Variants in OAS3 observed in about 807,000 individuals in gnomAD.
The protein encoded by OAS3 is 2'-5'-oligoadenylate synthase 3.
OAS3 carries 107 observed loss-of-function variants against 113.0 expected under a neutral mutation model. The ratio of observed to expected loss-of-function variants is 0.95; its 90% CI spans 0.81 to 1.11. OAS3 has a LOEUF of 1.11. Ranked by LOEUF, OAS3 falls within the 50% of genes most tolerant of loss-of-function variation. OAS3 has a pLI of 0.00. For missense variants in OAS3, 1,258 were observed against 1,389.1 expected (o/e 0.91, Z 1.50); for synonymous variants, 552 against 573.6 (o/e 0.96, Z 0.54).
At chr12:112,967,386 C>A (rs764825943) in intron 12 of OAS3, 32 bp from the exon 13 acceptor site, 23 of 1,587,334 alleles carry the variant, frequency 1.4e-5, no homozygotes, top group Non-Finnish European at 2.0e-5. Context: ...ACATGGGAGC[C>A]GGAGTGATGG....
chr12:112,965,909 G>C lies in OAS3; in HGVS notation c.2569G>C (p.Glu857Gln). The C allele has an allele frequency of 6.2e-7, 1 of 1,613,660 alleles. No individual in the cohort carries two copies. Among genetic ancestry groups the C allele is most frequent in the Non-Finnish European group, 8.5e-7 (1 of 1,179,756 alleles). Residue 857 changes from glutamate to glutamine, a missense_variant, in exon 12 of 16, where the codon GAG (glutamate) becomes CAG (glutamine). Transcript: ENST00000228928. The part of the protein sequence containing the change: ...LEACQQERQF[E>Q]VKFEVSKWEN... ...GGCATGTCAACAGGAGCGGCAGTTC[G>C]AGGTCAAGTTTGAAGTCTCCAAATG...
intron 1 of OAS3, 27 bp downstream of exon 1, chr12:112,938,734 G>A (rs762710984): frequency 3.8e-5 from 43 of 1,123,160 alleles, no homozygotes; most frequent in Non-Finnish European, 4.8e-5. Flanking sequence ...GGGTCTTTAT[G>A]TGTCCAAAGG....
intron 11 of OAS3, 40 bp from the exon 12 acceptor site, chr12:112,965,704 C>T: frequency 6.4e-7 from 1 of 1,572,974 alleles, no homozygotes; most frequent in Non-Finnish European, 8.6e-7. Flanking sequence ...CAGGCTAAGC[C>T]ATGCTTCAAG....
At position 112,970,074 on chromosome 12, in the gene OAS3, ACATGTGTGTGTGAGCACATGTGTG is replaced by A. The variant is rs1402925413; in HGVS notation, c.*112_*135del. On this transcript the variant is annotated 3_prime_UTR_variant, in exon 16 of 16. Transcript: ENST00000228928. The stretch of plus-strand genomic sequence containing the variant: ...CCCTACCAGATGAGAGAGATTGTGT[ACATGTGTGTGTGAGCACATGTGTG>A]CATGTGTGTGCACACGTGTGCATGT... The A allele has an allele frequency of 2.4e-5, 33 of 1,368,318 alleles. 1 individual carries two copies. In the South Asian group the frequency reaches 2.7e-4, roughly 11 times the overall value. The allele number at this position is 1,368,318 out of a possible 1,614,324, so 84.8% of individuals were successfully genotyped here.
At position 112,950,693 on chromosome 12, in the gene OAS3, G is replaced by T. The variant is rs760860200; in HGVS notation, c.1375G>T (p.Gly459Trp). 6.2e-6 allele frequency: 10 copies of T among 1,613,886 alleles called. No individual in the cohort carries two copies. Among genetic ancestry groups the T allele is most frequent in the Non-Finnish European group, 8.5e-6 (10 of 1,179,824 alleles). Residue 459 changes from glycine (G) to tryptophan (W), a missense_variant and splice_region_variant, in exon 7 of 16, where the codon GGG (glycine) becomes TGG (tryptophan). Transcript: ENST00000228928. ...CVHKASRVSKGGSFGRGTDLR... is the reference protein window; with the variant it reads ...CVHKASRVSKWGSFGRGTDLR... ...ATCTGAGCTGTTCTTCCCTCCACAG[G>T]GGGGCTCATTTGGCCGGGGCACAGA... is the stretch of plus-strand genomic sequence containing the variant.
rs1398781422 is a variant in OAS3 at position 112,971,063 on chromosome 12, G to C, written c.*1090G>C. ...TCTCCTGACCTCAAGTCCAACAACA[G>C]TGTCCACACTAGTCAAGGTTCAGCC... On this transcript the variant is annotated 3_prime_UTR_variant, in exon 16 of 16. Coordinates refer to ENST00000228928, the MANE Select transcript of OAS3 (RefSeq NM_006187.4). 2 of 152,362 alleles carry C rather than the reference G, an allele frequency of 1.3e-5. No homozygotes were observed. Among genetic ancestry groups the C allele is most frequent in the Non-Finnish European group, 2.9e-5 (2 of 68,172 alleles). 9.4% of individuals were successfully genotyped at this position (152,362 alleles called of 1,614,324 possible).
In OAS3 at chr12:112,968,124, C is replaced by T. The variant is rs765970042; in HGVS notation, c.3054C>T (p.Ala1018=). 1 of 1,613,944 alleles carries T rather than the reference C, an allele frequency of 6.2e-7. No individual in the cohort carries two copies. Among genetic ancestry groups the T allele is most frequent in the Non-Finnish European group, 8.5e-7 (1 of 1,179,862 alleles). The change falls in exon 14 of 16, where the codon GCC becomes GCT. Residue 1018 remains alanine, a synonymous_variant. Coordinates refer to ENST00000228928, the MANE Select transcript of OAS3 (RefSeq NM_006187.4). ...LCIYWTINYN[A]KDKTVGDFLK... ...TCTACTGGACCATCAACTACAACGC[C>T]AAGGACAAGACTGTTGGAGACTTCC...
intron 3 of OAS3, 194 bp downstream of exon 3, chr12:112,944,845 G>T: frequency 1.6e-6 from 1 of 618,300 alleles, no homozygotes. Context: ...TTTATATATT[G>T]TGGATACTGA....
chr12:112,944,040 G>A (rs1317637787), intron 2 of OAS3, among the ~76,000 whole-genome samples: 1 of 152,140 alleles, frequency 6.6e-6, no homozygotes, highest in Non-Finnish European at 1.5e-5. Flanking sequence ...AGGGCTTTTT[G>A]CCTTTTATTT....
At position 112,969,960 on chromosome 12, in the gene OAS3, AGGCTGC is replaced by A; in HGVS notation, c.3253-1_3257del. The stretch of plus-strand genomic sequence containing the variant: ...CCAACATCTCTTATAATACTTCCCC[AGGCTGC>A]TGTGTGAAGTTGAGAAAATCAGCGG... On this transcript the variant is annotated splice_acceptor_variant and coding_sequence_variant, in exon 16 of 16. Coordinates refer to ENST00000228928, the MANE Select transcript of OAS3 (RefSeq NM_006187.4). LOFTEE classifies it high-confidence loss of function. The A allele has an allele frequency of 2.5e-6, 4 of 1,608,246 alleles. No individual in the cohort carries two copies. Among genetic ancestry groups the A allele is most frequent in the Non-Finnish European group, 3.4e-6 (4 of 1,177,282 alleles).
In OAS3 at chr12:112,969,975, G is replaced by A; in HGVS notation, c.*2G>A. 2 of 1,608,140 alleles carry A rather than the reference G, an allele frequency of 1.2e-6. No homozygotes were observed. Among genetic ancestry groups the A allele is most frequent in the Non-Finnish European group, 1.7e-6 (2 of 1,177,228 alleles). ...ATACTTCCCCAGGCTGCTGTGTGAA[G>A]TTGAGAAAATCAGCGGTCCTACTGG... On this transcript the variant is annotated 3_prime_UTR_variant, in exon 16 of 16. Transcript: ENST00000228928.
At chr12:112,948,327 A>G (rs904694828) in intron 5 of OAS3, among the ~76,000 whole-genome samples, 1 of 151,872 alleles carries the variant, frequency 6.6e-6, no homozygotes, top group Non-Finnish European at 1.5e-5. Context: ...ATATGGTGAA[A>G]CCTTGTCTCT....
At chr12:112,968,215 G>A in intron 14 of OAS3, 41 bp downstream of exon 14, 2 of 1,578,832 alleles carry the variant, frequency 1.3e-6, no homozygotes, top group Non-Finnish European at 1.7e-6. Flanking sequence ...TCAAACCTGG[G>A]ATCACTCACT....
Position 112,947,966 on chromosome 12 carries a change from C to T in OAS3, c.896C>T (p.Ala299Val), listed in dbSNP as rs2043748528. Reference protein sequence around the residue: ...KRPRPVILDPADPTWDLGNGA... With the variant: ...KRPRPVILDPVDPTWDLGNGA... ...TGCAGGCCTGTGATCCTGGACCCAG[C>T]TGACCCCACATGGGACCTGGGGAAT... The change falls in exon 5 of 16, where the codon GCT becomes GTT. Residue 299 changes from alanine to valine, a missense_variant. Transcript: ENST00000228928. 3 of 1,600,250 alleles carry T rather than the reference C, an allele frequency of 1.9e-6. No individual in the cohort carries two copies. The highest frequency in any genetic ancestry group is 2.7e-5 in the African/African-American group (2 of 74,396).
At chr12:112,950,186 CTCT>C (rs975031294) in intron 6 of OAS3, among the ~76,000 whole-genome samples, 11 of 152,138 alleles carry the variant, frequency 7.2e-5, no homozygotes, top group Non-Finnish European at 1.3e-4. Context: ...TTTGTATCCT[CTCT>C]TCTTCTTTCT....
chr12:112,955,288 C>T (rs987347705), intron 7 of OAS3, among the ~76,000 whole-genome samples: 3 of 152,168 alleles, frequency 2.0e-5, no homozygotes, highest in African/African-American at 7.2e-5. Context: ...TTGACTTCCT[C>T]GTTTCCTAAT....
chr12:112,956,250 G>C (rs2043835298), intron 7 of OAS3, among the ~76,000 whole-genome samples: 1 of 151,982 alleles, frequency 6.6e-6, no homozygotes, highest in Admixed American at 6.6e-5. Context: ...AGTCTTGCTA[G>C]CAGTCTATCA....
rs750897188 is a variant in OAS3, at chr12:112,944,534, T to C, written c.519T>C (p.Ser173=). ...KPQVYSTLLN[S]GCQGGEHAAC... ...AAGTCTACTCTACCCTCCTCAACAG[T>C]GGCTGCCAAGGGGGCGAGCATGCGG... Residue 173 remains serine, a synonymous_variant, in exon 3 of 16, where the codon AGT becomes AGC. Transcript: ENST00000228928. The C allele has an allele frequency of 6.8e-6, 11 of 1,613,916 alleles. No homozygotes were observed. The highest frequency in any genetic ancestry group is 2.2e-5 in the South Asian group (2 of 91,082).
chr12:112,949,300 G>C (rs2043767852), intron 6 of OAS3, 95 bp downstream of exon 6: 1 of 1,093,550 alleles, frequency 9.1e-7, no homozygotes, highest in Non-Finnish European at 1.3e-6. Flanking sequence ...GGTTGGGCTG[G>C]GGAACTGGAC....
Sources: allele counts gnomAD v4.1 joint callset (sites outside exome capture counted in the v4.1 genomes callset), GRCh38; gene constraint gnomAD v4.1.1; transcripts MANE v1.5; gene names NCBI Gene and HGNC (gene_info 2026-07-23, HGNC 2026-07-21).